Variants in RGR observed in about 807,000 individuals in gnomAD.
The protein encoded by RGR is RPE-retinal G protein-coupled receptor.
Under a neutral mutation model 28.6 loss-of-function variants are expected in RGR, and 30 were observed. The observed-to-expected ratio is 1.05, with a 90% CI of 0.78 to 1.42. The LOEUF is 1.42. RGR is among the 40% of genes most tolerant of loss of function. The pLI is 0.00. For missense variants in RGR, 404 were observed against 375.6 expected (o/e 1.08, Z -0.62); for synonymous variants, 180 against 156.4 (o/e 1.15, Z -1.13).
intron 3 of RGR, among the ~76,000 whole-genome samples, chr10:84,249,443 G>A (rs1842788751): frequency 2.0e-5 from 3 of 152,198 alleles, no homozygotes; most frequent in Admixed American, 2.0e-4. Context: ...CTCCTGAGTA[G>A]CTGGGACTAC....
intron 3 of RGR, chr10:84,251,016 CTT>C: frequency 6.6e-6 from 1 of 152,080 alleles, no homozygotes; most frequent in Non-Finnish European, 1.5e-5. Flanking sequence ...GGGCAGATAA[CTT>C]GAGGTCAGGA....
At chr10:84,257,636 C>A (rs1247317822) in intron 5 of RGR, among the ~76,000 whole-genome samples, 2 of 152,222 alleles carry the variant, frequency 1.3e-5, no homozygotes, top group African/African-American at 4.8e-5. Context: ...CGGCCTCCAG[C>A]CACGTTGGGT....
chr10:84,256,033 T>TA (rs1160108049), intron 5 of RGR, among the ~76,000 whole-genome samples: 2 of 149,364 alleles, frequency 1.3e-5, no homozygotes, highest in Non-Finnish European at 3.0e-5. Context: ...TTTTTTTTTT[T>TA]TCTTTGTTTC....
chr10:84,250,525 C>T (rs1589331773), intron 3 of RGR: 3 of 473,328 alleles, frequency 6.3e-6, no homozygotes, highest in Non-Finnish European at 7.9e-6. Flanking sequence ...TATACACACA[C>T]ACACACACAC....
At chr10:84,246,337 G>A (rs187814649) in intron 1 of RGR, among the ~76,000 whole-genome samples, 2 of 152,088 alleles carry the variant, frequency 1.3e-5, no homozygotes, top group East Asian at 1.9e-4. Context: ...CCCAAGTAGC[G>A]TACATTGTGC....
At chr10:84,257,218 T>G (rs1309931161) in intron 5 of RGR, among the ~76,000 whole-genome samples, 1 of 152,064 alleles carries the variant, frequency 6.6e-6, no homozygotes, top group Non-Finnish European at 1.5e-5. Flanking sequence ...AAAGCGCGAG[T>G]CTTGCGCCCC....
intron 4 of RGR, among the ~76,000 whole-genome samples, chr10:84,253,312 C>T (rs990719023): frequency 6.6e-6 from 1 of 152,172 alleles, no homozygotes; most frequent in Non-Finnish European, 1.5e-5. Context: ...CAAGCCGCAC[C>T]ACCTCTTAGC....
chr10:84,246,661 C>T (rs568276882), intron 1 of RGR, among the ~76,000 whole-genome samples: 5 of 152,278 alleles, frequency 3.3e-5, no homozygotes, highest in Non-Finnish European at 7.4e-5. Context: ...CGTATCTTTG[C>T]AATTGTGAAT....
In RGR at chr10:84,248,967, G is replaced by A; in HGVS notation, c.282G>A (p.Gln94=). 6.2e-7 allele frequency: 1 copy of A among 1,614,164 alleles called. No homozygotes were observed. Among genetic ancestry groups the A allele is most frequent in the South Asian group, 1.1e-5 (1 of 91,082 alleles). Residue 94 remains glutamine (Q), a synonymous_variant, in exon 3 of 7, where the codon CAG becomes CAA. Coordinates refer to ENST00000652092, the MANE Select transcript of RGR (RefSeq NM_001012720.2). ...ACGGCTGCCAGGCTCACGGCTTCCA[G>A]GGCTTTGTGACAGCGTTGGCCAGCA... ...GSDGCQAHGF[Q]GFVTALASIC...
At chr10:84,254,018 C>G (rs1216007087) in intron 4 of RGR, among the ~76,000 whole-genome samples, 1 of 152,248 alleles carries the variant, frequency 6.6e-6, no homozygotes, top group Non-Finnish European at 1.5e-5. Context: ...GTTCCTTTCT[C>G]TTGGCCCACT....
intron 6 of RGR, 64 bp from the exon 7 acceptor site, chr10:84,258,444 G>A: frequency 1.7e-5 from 27 of 1,613,232 alleles, no homozygotes; most frequent in Non-Finnish European, 2.3e-5. Context: ...GGGGTCACCA[G>A]GTGAGACCAG....
chr10:84,257,863 C>A (rs763871745), intron 5 of RGR, 30 bp from the exon 6 acceptor site: 1 of 1,602,998 alleles, frequency 6.2e-7, no homozygotes, highest in Admixed American at 1.7e-5. Context: ...CTGGAGCAAG[C>A]TGACATCTCC....
Position 84,257,931 on chromosome 10 carries a change from C to T in RGR, c.669C>T (p.Gly223=), listed in dbSNP as rs746440713. 2 of 1,614,236 alleles carry T rather than the reference C, an allele frequency of 1.2e-6. No individual in the cohort carries two copies. The highest frequency in any genetic ancestry group is 4.5e-5 in the East Asian group (2 of 44,884). Residue 223 remains glycine, a synonymous_variant, in exon 6 of 7, where the codon GGC becomes GGT. Coordinates refer to ENST00000652092, the MANE Select transcript of RGR (RefSeq NM_001012720.2). ...TGCCAGCAAGGACGCTGCTGCTCGGCTGGGGCCCCTATGCCATCCTGTATC... is the reference window on the plus strand; with the variant it reads ...TGCCAGCAAGGACGCTGCTGCTCGGTTGGGGCCCCTATGCCATCCTGTATC... The part of the protein sequence containing the change: ...TTLPARTLLL[G]WGPYAILYLY...
In RGR at chr10:84,259,401, C is replaced by G. The variant is rs1223202068; in HGVS notation, c.*762C>G. The G allele has an allele frequency of 6.6e-6, 1 of 152,310 alleles. No individual in the cohort carries two copies. The highest frequency in any genetic ancestry group is 1.5e-5 in the Non-Finnish European group (1 of 68,184). The allele number at this position is 152,310 out of a possible 1,614,324, so 9.4% of individuals were successfully genotyped here. The stretch of plus-strand genomic sequence containing the variant: ...TGATTTCTTTTCCTTTGGGTAGATA[C>G]CAGTAGTAGGACTGCTGGATCAAAT... On this transcript the variant is annotated 3_prime_UTR_variant, in exon 7 of 7. Transcript: ENST00000652092.
chr10:84,252,089 A>G (rs1485008069), intron 3 of RGR, among the ~76,000 whole-genome samples: 1 of 152,226 alleles, frequency 6.6e-6, no homozygotes, highest in Non-Finnish European at 1.5e-5. Context: ...GAACCACTGA[A>G]TGGGAAGGAC....
In RGR at chr10:84,258,021, A is replaced by C; in HGVS notation, c.744+15A>C. On this transcript the variant is annotated intron_variant, in intron 6 of 6. Transcript: ENST00000652092. ...AACTGCAGATGGTACAGATACTTCTAGTACCTAAAACTAGACCCCTCTCCA... is the reference window on the plus strand; with the variant it reads ...AACTGCAGATGGTACAGATACTTCTCGTACCTAAAACTAGACCCCTCTCCA... 6.3e-7 allele frequency: 1 copy of C among 1,595,174 alleles called. No homozygotes were observed. The highest frequency in any genetic ancestry group is 8.6e-7 in the Non-Finnish European group (1 of 1,162,888).
rs770919166 is a variant in RGR, at chr10:84,254,313, G to T, written c.513-13G>T. ...GAGAGCTAACCCCAATCCTCCACCCGCTCTCCCTGTAGAAACTTCACCAGC... is the reference window on the plus strand; with the variant it reads ...GAGAGCTAACCCCAATCCTCCACCCTCTCTCCCTGTAGAAACTTCACCAGC... On this transcript the variant is annotated splice_polypyrimidine_tract_variant and intron_variant, in intron 4 of 6. Transcript: ENST00000652092. 8.7e-6 allele frequency: 14 copies of T among 1,611,624 alleles called. No homozygotes were observed. The highest frequency in any genetic ancestry group is 1.1e-5 in the Non-Finnish European group (13 of 1,177,782).
chr10:84,256,064 T>C (rs1326839716), intron 5 of RGR, among the ~76,000 whole-genome samples: 2 of 55,906 alleles, frequency 3.6e-5, no homozygotes, highest in African/African-American at 1.4e-4. Context: ...CCTTTCTTTT[T>C]TTTTTTTTTT....
In RGR at chr10:84,258,866, A is replaced by C; in HGVS notation, c.*227A>C. 1 of 585,302 alleles carries C rather than the reference A, an allele frequency of 1.7e-6. No homozygotes were observed. The highest frequency in any genetic ancestry group is 3.0e-5 in the East Asian group (1 of 33,010). 36.3% of individuals were successfully genotyped at this position (585,302 alleles called of 1,614,324 possible). On this transcript the variant is annotated 3_prime_UTR_variant, in exon 7 of 7. Transcript: ENST00000652092. The stretch of plus-strand genomic sequence containing the variant: ...ACACTCAAGGCTGAGAGGCCTCAGG[A>C]AAGTCATTCCTTTTTAAAAATAATA...
Sources: allele counts gnomAD v4.1 joint callset (sites outside exome capture counted in the v4.1 genomes callset), GRCh38; gene constraint gnomAD v4.1.1; transcripts MANE v1.5; gene names NCBI Gene and HGNC (gene_info 2026-07-23, HGNC 2026-07-21).